Variants in ARHGEF10 observed in about 807,000 individuals in gnomAD.
ARHGEF10 encodes Rho guanine nucleotide exchange factor 10, also known as Rho guanine nucleotide exchange factor (GEF) 10.
ARHGEF10 carries 140 observed loss-of-function variants against 147.4 expected under a neutral mutation model. The ratio of observed to expected loss-of-function variants is 0.95; its 90% CI spans 0.83 to 1.09. The LOEUF (loss-of-function observed/expected upper bound fraction) is 1.09, where lower values mean the gene tolerates loss of function less well. Among genes scored for constraint, ARHGEF10 ranks in the 50% least tolerant of loss-of-function variants. The pLI is 0.00. For synonymous variants in ARHGEF10, 902 were observed against 695.8 expected, an observed-to-expected ratio of 1.30 and a Z score of -4.67; for missense variants, 2,222 against 1,752.7, an observed-to-expected ratio of 1.27 and a Z score of -4.78.
chr8:1,956,322 G>T (rs909570163), intron 28 of ARHGEF10, among the ~76,000 whole-genome samples: 2 of 152,154 alleles, frequency 1.3e-5, no homozygotes, highest in African/African-American at 4.8e-5. Flanking sequence ...GCAGGCAGCC[G>T]GTAGTTTAGT....
chr8:1,844,585 C>G lies in ARHGEF10; in HGVS notation c.37+1149C>G, dbSNP rs80069232. Among the ~76,000 whole-genome samples the G allele has an allele frequency of 3.1e-3, 477 of 152,198 alleles. 1 individual carries two copies. The highest frequency in any genetic ancestry group is 0.011 in the African/African-American group (462 of 41,520). ...CTGGAAGTCCAGCTCCTGGAGTTCT[C>G]CGGAGCCGCAAGACCACGGGGTACG... On this transcript the variant is annotated intron_variant, in intron 2 of 28. Transcript: ENST00000349830.
At chr8:1,882,790 T>TG (rs34599746) in intron 10 of ARHGEF10, 41 bp downstream of exon 10, 57 of 996,932 alleles carry the variant, frequency 5.7e-5, no homozygotes, top group Admixed American at 1.1e-4. Context: ...GACACGGGGT[T>TG]GGGGGGGGCG....
chr8:1,942,326 T>C (rs901342197), intron 26 of ARHGEF10, among the ~76,000 whole-genome samples: 1 of 151,256 alleles, frequency 6.6e-6, no homozygotes, highest in Admixed American at 6.6e-5. Context: ...CCAAAGAAGA[T>C]GTACAGTCGA....
rs374465822 is a variant in ARHGEF10, at chr8:1,923,984, T to C, written c.2488+110T>C. The C allele has an allele frequency of 1.4e-5, 14 of 1,022,488 alleles. No individual in the cohort carries two copies. In the African/African-American group the frequency reaches 2.2e-4, roughly 16 times the overall value. 63.3% of individuals were successfully genotyped at this position (1,022,488 alleles called of 1,614,324 possible). A position where few individuals can be genotyped will look rare whatever the true frequency, so the allele number is the denominator to read the frequency against. On this transcript the variant is annotated intron_variant, in intron 21 of 28. Coordinates refer to ENST00000349830, the MANE Select transcript of ARHGEF10 (RefSeq NM_014629.4). Reference sequence around the variant, plus strand: ...GGAAACTCAGCAGTAGATCCATGCATTGACCTGAAAGAGTGTTTCTAAACA... The same window carrying C: ...GGAAACTCAGCAGTAGATCCATGCACTGACCTGAAAGAGTGTTTCTAAACA...
rs117508614 is a variant in ARHGEF10, at chr8:1,895,869, A to G, written c.1441-464A>G. Among the ~76,000 whole-genome samples the G allele has an allele frequency of 5.3e-5, 8 of 152,140 alleles. No homozygotes were observed. The East Asian group carries it at 1.4e-3, about 26-fold the overall frequency. ...AAAACGAACACGTGTAGGGCATTGT[A>G]TGTTACGCCAGAGAAGCAGGATCAG... is the stretch of plus-strand genomic sequence containing the variant. On this transcript the variant is annotated intron_variant, in intron 13 of 28. Transcript: ENST00000349830.
Position 1,945,671 on chromosome 8 carries a change from G to C in ARHGEF10, c.3397+16G>C. The C allele has an allele frequency of 3.1e-6, 5 of 1,613,730 alleles. No individual in the cohort carries two copies. Among genetic ancestry groups the C allele is most frequent in the Non-Finnish European group, 4.2e-6 (5 of 1,179,896 alleles). Reference sequence around the variant, plus strand: ...ATGCTGCCAGGTAAGGGGACGGGACGGGGCCCAGGGATGGGACAGCAACCG... The same window carrying C: ...ATGCTGCCAGGTAAGGGGACGGGACCGGGCCCAGGGATGGGACAGCAACCG... On this transcript the variant is annotated intron_variant, in intron 27 of 28. Transcript: ENST00000349830.
At chr8:1,885,252 T>C (rs918154232) in intron 10 of ARHGEF10, among the ~76,000 whole-genome samples, 4 of 152,220 alleles carry the variant, frequency 2.6e-5, no homozygotes, top group African/African-American at 9.6e-5. Context: ...GATTGTGATA[T>C]TTTATAGATT....
rs150691062 is a variant in ARHGEF10, at chr8:1,828,196, C to T, written c.-48+4083C>T. On this transcript the variant is annotated intron_variant, in intron 1 of 28. Transcript: ENST00000349830. Reference sequence around the variant, plus strand: ...TCCTGCAAGTCGTAGGTGTTGCTTCCGTGCTGAGATCACGTTCTTTGTTTT... The same window carrying T: ...TCCTGCAAGTCGTAGGTGTTGCTTCTGTGCTGAGATCACGTTCTTTGTTTT... Among the ~76,000 whole-genome samples, 126 of 152,318 alleles carry T rather than the reference C, an allele frequency of 8.3e-4. 1 individual carries two copies. The highest frequency in any genetic ancestry group is 1.3e-3 in the Non-Finnish European group (91 of 68,020).
At chr8:1,880,255 G>A in intron 9 of ARHGEF10, 91 bp downstream of exon 9, 1 of 907,398 alleles carries the variant, frequency 1.1e-6, no homozygotes, top group Non-Finnish European at 1.8e-6. Flanking sequence ...TGTCTCAACA[G>A]CGGTTCTCAA....
intron 14 of ARHGEF10, 50 bp downstream of exon 14, chr8:1,896,499 T>G: frequency 7.8e-7 from 1 of 1,288,604 alleles, no homozygotes; most frequent in East Asian, 2.3e-5. Context: ...TGATAACAAG[T>G]TACATGTCAA....
chr8:1,912,956 TC>T (rs1426821715), intron 18 of ARHGEF10, among the ~76,000 whole-genome samples: 1 of 152,200 alleles, frequency 6.6e-6, no homozygotes, highest in Non-Finnish European at 1.5e-5. Flanking sequence ...CGGCCGCTGT[TC>T]CTTCTCACGT....
At chr8:1,939,599 C>T (rs575936266) in intron 26 of ARHGEF10, among the ~76,000 whole-genome samples, 37 of 152,348 alleles carry the variant, frequency 2.4e-4, no homozygotes, top group Non-Finnish European at 4.7e-4. Flanking sequence ...ACAGGGCCCT[C>T]GGCAGCTGCC....
At chr8:1,864,037 C>G (rs944630106) in intron 4 of ARHGEF10, among the ~76,000 whole-genome samples, 1 of 152,062 alleles carries the variant, frequency 6.6e-6, no homozygotes, top group Non-Finnish European at 1.5e-5. Context: ...TAGCCTGATG[C>G]ATCTGGGTGC....
At chr8:1,944,346 G>A (rs1161509126) in intron 26 of ARHGEF10, among the ~76,000 whole-genome samples, 1 of 151,600 alleles carries the variant, frequency 6.6e-6, no homozygotes, top group African/African-American at 2.4e-5. Context: ...TGTGTAGGCT[G>A]GAGTCCTCTG....
At position 1,842,017 on chromosome 8, in the gene ARHGEF10, C is replaced by A. The variant is rs576134978; in HGVS notation, c.-47-1336C>A. 9.2e-3 allele frequency among the ~76,000 whole-genome samples: 779 copies of A among 84,576 alleles called. 82 individuals are homozygous for A. The highest frequency in any genetic ancestry group is 0.031 in the African/African-American group (736 of 23,642). The allele number at this position is 84,576 out of a possible 152,430, so 55.5% of individuals were successfully genotyped here. A position where few individuals can be genotyped will look rare whatever the true frequency, so the allele number is the denominator to read the frequency against. Reference sequence around the variant, plus strand: ...GCCGCGGCGGGAACTGGGGCCGCGGCGGGAACTGGGGCCGCGGCGGGAACT... The same window carrying A: ...GCCGCGGCGGGAACTGGGGCCGCGGAGGGAACTGGGGCCGCGGCGGGAACT... On this transcript the variant is annotated intron_variant, in intron 1 of 28. Transcript: ENST00000349830.
At chr8:1,894,614 T>G (rs896155953) in intron 13 of ARHGEF10, 42 bp downstream of exon 13, 2 of 1,603,252 alleles carry the variant, frequency 1.2e-6, no homozygotes, top group African/African-American at 2.7e-5. Context: ...GGGCTCTCCA[T>G]GCACCTGTCC....
chr8:1,944,748 C>T (rs1814423013), intron 26 of ARHGEF10, among the ~76,000 whole-genome samples: 1 of 152,234 alleles, frequency 6.6e-6, no homozygotes. Context: ...TTCATCCCAG[C>T]CCTCACCCTC....
Position 1,929,424 on chromosome 8 carries a change from C to A in ARHGEF10, c.3060C>A (p.Ala1020=). ...CTGGCCTGGTCAACGGGGCAGTCGC[C>A]AGCTACGCCAGAGCCCCAGGTGAGG... ...LYAGLVNGAV[A]SYARAPDGSW... is the part of the protein sequence containing the mutation. Residue 1020 remains alanine (A), a synonymous_variant, in exon 25 of 29, where the codon GCC becomes GCA. Coordinates refer to ENST00000349830, the MANE Select transcript of ARHGEF10 (RefSeq NM_014629.4). The A allele has an allele frequency of 6.2e-7, 1 of 1,609,624 alleles. No individual in the cohort carries two copies. The highest frequency in any genetic ancestry group is 8.5e-7 in the Non-Finnish European group (1 of 1,178,016).
chr8:1,880,661 C>T lies in ARHGEF10; in HGVS notation c.960+497C>T, dbSNP rs1340615936. Among the ~76,000 whole-genome samples, 13 of 152,266 alleles carry T rather than the reference C, an allele frequency of 8.5e-5. No homozygotes were observed. The South Asian group carries it at 1.7e-3, about 19-fold the overall frequency. On this transcript the variant is annotated intron_variant, in intron 9 of 28. Transcript: ENST00000349830. The stretch of plus-strand genomic sequence containing the variant: ...TTGGGCTCTCCATAATTTTTAAGAG[C>T]GTCCAGGGCCCCTGAGACCGGAATG...
Sources: allele counts gnomAD v4.1 joint callset (sites outside exome capture counted in the v4.1 genomes callset), GRCh38; gene constraint gnomAD v4.1.1; transcripts MANE v1.5; gene names NCBI Gene and HGNC (gene_info 2026-07-23, HGNC 2026-07-21).